The following FAM120B variants were observed in gnomAD, a reference collection of about 807,000 sequenced individuals.
FAM120B encodes the protein constitutive coactivator of peroxisome proliferator-activated receptor gamma.
In FAM120B, 83 loss-of-function variants were observed where a neutral mutation model predicts 96.3. The ratio of observed to expected loss-of-function variants is 0.86; its 90% CI spans 0.72 to 1.03. The LOEUF is 1.03. FAM120B is among the 50% of genes least tolerant of loss of function. The pLI, the probability that FAM120B is intolerant of heterozygous loss-of-function variation, is 0.00. For synonymous variants in FAM120B, 407 were observed against 402.7 expected (o/e 1.01, Z -0.13); for missense variants, 1,027 against 1,121.2 (o/e 0.92, Z 1.20).
intron 6 of FAM120B, among the ~76,000 whole-genome samples, chr6:170,378,984 G>T (rs1340871944): frequency 6.6e-6 from 1 of 152,216 alleles, no homozygotes; most frequent in Non-Finnish European, 1.5e-5. Context: ...AAGGGACGGG[G>T]CCGGAGCCAT....
Position 170,317,360 on chromosome 6 carries a change from T to G in FAM120B, c.-21-10T>G. The G allele has an allele frequency of 6.3e-7, 1 of 1,586,560 alleles. No homozygotes were observed. Among genetic ancestry groups the G allele is most frequent in the Non-Finnish European group, 8.6e-7 (1 of 1,159,974 alleles). On this transcript the variant is annotated splice_polypyrimidine_tract_variant and intron_variant, in intron 1 of 10. Coordinates refer to ENST00000476287, the MANE Select transcript of FAM120B (RefSeq NM_032448.3). ...GCCATAATTACTGATTAATTTATCT[T>G]TCTTTCCAGATCCTTTCCCGGAGTT...
chr6:170,315,505 G>A (rs934830490), intron 1 of FAM120B, among the ~76,000 whole-genome samples: 4 of 152,068 alleles, frequency 2.6e-5, no homozygotes, highest in Non-Finnish European at 4.4e-5. Context: ...ACACTATGAA[G>A]CCCAGTTTCC....
At chr6:170,292,285 C>T (rs1783899800), upstream of FAM120B, among the ~76,000 whole-genome samples, 1 of 152,196 alleles carries the variant, frequency 6.6e-6, no homozygotes, top group East Asian at 1.9e-4. This position sits in a 1 kb window ranked among gnomAD's most constrained non-coding sequence, Gnocchi z 6.6. Context: ...CGAGAACACA[C>T]GTATGACACA....
chr6:170,303,071 A>C (rs530733056), upstream of FAM120B, among the ~76,000 whole-genome samples: 2 of 152,314 alleles, frequency 1.3e-5, no homozygotes, highest in East Asian at 3.9e-4. Context: ...AAAACTTAAA[A>C]ATTTTTCCTT....
In FAM120B at chr6:170,387,097, C is replaced by T. The variant is rs1790227439; in HGVS notation, c.2284-1190C>T. ...CACGTCCTGTTAGCATCTGCTCAGC[C>T]CTGTGTACGTGTGTAATGGTTGCTC... On this transcript the variant is annotated intron_variant, in intron 6 of 10. Transcript: ENST00000476287. Among the ~76,000 whole-genome samples, 3 of 152,272 alleles carry T rather than the reference C, an allele frequency of 2.0e-5. No individual in the cohort carries two copies. In the South Asian group the frequency reaches 6.2e-4, roughly 32 times the overall value.
chr6:170,319,013 G>A lies in FAM120B; in HGVS notation c.1623G>A (p.Lys541=). The change falls in exon 2 of 11, where the codon AAG becomes AAA. Residue 541 remains lysine (K), a synonymous_variant. Coordinates refer to ENST00000476287, the MANE Select transcript of FAM120B (RefSeq NM_032448.3). ...CTGTAGCAACAGATTTTGAATTTAA[G>A]CTAGAAGCTCTCATGTGTACAAACC... ...KLPVATDFEF[K]LEALMCTNPE... 2 of 1,614,082 alleles carry A rather than the reference G, an allele frequency of 1.2e-6. No homozygotes were observed. Among genetic ancestry groups the A allele is most frequent in the South Asian group, 2.2e-5 (2 of 91,088 alleles).
At chr6:170,298,769 G>A (rs1229896775) in intron 1 of FAM120B, among the ~76,000 whole-genome samples, 1 of 152,174 alleles carries the variant, frequency 6.6e-6, no homozygotes, top group Non-Finnish European at 1.5e-5. Flanking sequence ...GCTGCTTGCA[G>A]GTTGCGAAGG....
chr6:170,308,717 C>T (rs981482640), intron 1 of FAM120B, among the ~76,000 whole-genome samples: 4 of 152,226 alleles, frequency 2.6e-5, no homozygotes, highest in Non-Finnish European at 5.9e-5. Flanking sequence ...CCCTGCAAAA[C>T]TGGCTATTTG....
intron 6 of FAM120B, among the ~76,000 whole-genome samples, chr6:170,360,942 C>T (rs1788318259): frequency 6.6e-6 from 1 of 151,946 alleles, no homozygotes; most frequent in Admixed American, 6.6e-5. Flanking sequence ...GCAGCCTCCC[C>T]ACAGCCTGAC....
chr6:170,338,609 T>C (rs1190084865), intron 4 of FAM120B, among the ~76,000 whole-genome samples: 1 of 152,184 alleles, frequency 6.6e-6, no homozygotes, highest in Non-Finnish European at 1.5e-5. Context: ...GATCTAATAT[T>C]GACAATGGGG....
At chr6:170,290,945 T>G, upstream of FAM120B, 1 of 699,510 alleles carries the variant, frequency 1.4e-6, no homozygotes, top group Non-Finnish European at 2.6e-6. The surrounding 1 kb of genome is among the most constrained non-coding windows in gnomAD (Gnocchi z 4.7). Flanking sequence ...CGCCGGCGCC[T>G]GCCGCCCTTA....
At chr6:170,344,635 C>A in intron 4 of FAM120B, among the ~76,000 whole-genome samples, 1 of 152,250 alleles carries the variant, frequency 6.6e-6, no homozygotes, top group Non-Finnish European at 1.5e-5. Context: ...ATGTCCCCGC[C>A]ACCACCTGGG....
At chr6:170,294,212 A>G (rs545221631), upstream of FAM120B, among the ~76,000 whole-genome samples, 5 of 152,276 alleles carry the variant, frequency 3.3e-5, no homozygotes, top group African/African-American at 1.2e-4. This position sits in a 1 kb window ranked among gnomAD's most constrained non-coding sequence, Gnocchi z 7.9. Flanking sequence ...TCCCCACACT[A>G]TAAATCCTCA....
intron 7 of FAM120B, among the ~76,000 whole-genome samples, chr6:170,390,125 G>A (rs1036406733): frequency 1.1e-4 from 16 of 152,310 alleles, no homozygotes; most frequent in East Asian, 3.9e-4. Flanking sequence ...GGTGTGATCC[G>A]TGAGAGAGCA....
chr6:170,358,733 A>G (rs1788139384), intron 6 of FAM120B, among the ~76,000 whole-genome samples: 1 of 152,226 alleles, frequency 6.6e-6, no homozygotes, highest in South Asian at 2.1e-4. Flanking sequence ...GGCTGTGGCA[A>G]GCGTTCAGTA....
intron 6 of FAM120B, among the ~76,000 whole-genome samples, chr6:170,377,762 G>C (rs74200689): frequency 0.15 from 14,542 of 94,778 alleles, 2,229 homozygotes; most frequent in East Asian, 0.71. Context: ...ACGCTGCTCT[G>C]TGCTGTGCAC....
intron 6 of FAM120B, among the ~76,000 whole-genome samples, chr6:170,369,690 T>C (rs753182574): frequency 2.8e-5 from 3 of 106,750 alleles, no homozygotes; most frequent in Admixed American, 9.1e-5. Context: ...CTTAGGGTAG[T>C]TTTTTTTTTT....
chr6:170,393,733 C>A (rs534540094), intron 8 of FAM120B, among the ~76,000 whole-genome samples: 3 of 152,232 alleles, frequency 2.0e-5, no homozygotes, highest in Non-Finnish European at 4.4e-5. Context: ...CAAGCTGATT[C>A]TTCGTTGCAG....
chr6:170,401,546 G>C (rs928037531), intron 9 of FAM120B, among the ~76,000 whole-genome samples: 3 of 152,142 alleles, frequency 2.0e-5, no homozygotes, highest in African/African-American at 7.2e-5. Context: ...AAAGGCCGCT[G>C]TCCCCTGCAG....
Sources: allele counts gnomAD v4.1 joint callset (sites outside exome capture counted in the v4.1 genomes callset), GRCh38; gene constraint gnomAD v4.1.1; non-coding constraint Gnocchi (gnomAD v3.1); transcripts MANE v1.5; gene names NCBI Gene and HGNC (gene_info 2026-07-23, HGNC 2026-07-21).